NECTIN2: variants seen among roughly 807,000 people sequenced by gnomAD.
NECTIN2 encodes the protein nectin cell adhesion molecule 2.
In NECTIN2, 23 loss-of-function variants were observed where a neutral mutation model predicts 56.9. The ratio of observed to expected loss-of-function variants is 0.40; its 90% CI spans 0.29 to 0.57. NECTIN2 has a LOEUF of 0.57. Among genes scored for constraint, NECTIN2 ranks in the 20% least tolerant of loss-of-function variants. The pLI is 0.38. For synonymous variants in NECTIN2, 302 were observed against 313.8 expected (o/e 0.96, Z 0.40); for missense variants, 587 against 718.3 (o/e 0.82, Z 2.09).
At chr19:44,878,679 C>T in intron 5 of NECTIN2, 2 of 1,536,682 alleles carry the variant, frequency 1.3e-6, no homozygotes, top group Non-Finnish European at 1.8e-6. Flanking sequence ...CCTGACCACG[C>T]CGGCCTAGGG....
intron 1 of NECTIN2, among the ~76,000 whole-genome samples, chr19:44,862,244 C>G (rs982639326): frequency 6.6e-6 from 1 of 151,908 alleles, no homozygotes; most frequent in African/African-American, 2.4e-5. Flanking sequence ...GAAACCCCGT[C>G]TCTACTAAAA....
In NECTIN2 at chr19:44,888,919, A is replaced by T. The variant is rs1008532135; in HGVS notation, c.*540A>T. 2 of 155,458 alleles carry T rather than the reference A, an allele frequency of 1.3e-5. No homozygotes were observed. Among genetic ancestry groups the T allele is most frequent in the Non-Finnish European group, 2.9e-5 (2 of 69,846 alleles). The allele number at this position is 155,458 out of a possible 1,614,324, so 9.6% of individuals were successfully genotyped here. Reference sequence around the variant, plus strand: ...GTTTTCCCAGCACCCTCCTGTAAGCAGAAGTCTCAGGGTCCAGACCCTTCC... The same window carrying T: ...GTTTTCCCAGCACCCTCCTGTAAGCTGAAGTCTCAGGGTCCAGACCCTTCC... On this transcript the variant is annotated 3_prime_UTR_variant, in exon 9 of 9. Coordinates refer to ENST00000252483, the MANE Select transcript of NECTIN2 (RefSeq NM_001042724.2).
At chr19:44,871,701 A>G (rs1162728254) in intron 2 of NECTIN2, 152 bp from the exon 3 acceptor site, 1 of 839,736 alleles carries the variant, frequency 1.2e-6, no homozygotes. Flanking sequence ...ACAGAGTTGC[A>G]AAACCACTTA....
chr19:44,863,382 T>A (rs933476206), intron 1 of NECTIN2, among the ~76,000 whole-genome samples: 1 of 151,924 alleles, frequency 6.6e-6, no homozygotes, highest in African/African-American at 2.4e-5. Context: ...GAGCCAAGAT[T>A]GTGCCACTGC....
intron 5 of NECTIN2, among the ~76,000 whole-genome samples, chr19:44,880,347 C>T (rs1474024285): frequency 2.6e-5 from 4 of 152,002 alleles, no homozygotes; most frequent in Non-Finnish European, 4.4e-5. Context: ...GGCAAGTAAA[C>T]GGGTAACCAC....
intron 1 of NECTIN2, 30 bp downstream of exon 1, chr19:44,846,643 G>T: frequency 6.6e-7 from 1 of 1,513,898 alleles, no homozygotes; most frequent in African/African-American, 1.4e-5. Context: ...CCCTGCCCTC[G>T]CGCGGACCCC....
chr19:44,878,183 C>CCTTTCT (rs1331704319), intron 5 of NECTIN2: 2 of 632,470 alleles, frequency 3.2e-6, no homozygotes, highest in East Asian at 5.5e-5. Flanking sequence ...CTTGTGTCTC[C>CCTTTCT]CTTTCTCTCT....
chr19:44,867,876 G>A (rs557952463), intron 2 of NECTIN2, among the ~76,000 whole-genome samples: 5 of 152,224 alleles, frequency 3.3e-5, no homozygotes, highest in South Asian at 4.1e-4. Context: ...AAAAATGACC[G>A]GCAGCAGTAT....
chr19:44,882,386 G>T (rs774433512), intron 6 of NECTIN2, 22 bp downstream of exon 6: 1 of 1,375,248 alleles, frequency 7.3e-7, no homozygotes, highest in South Asian at 1.7e-5. Flanking sequence ...GCCCTGAGAC[G>T]GGGATGGGAG....
chr19:44,864,018 C>CA (rs919688681), intron 1 of NECTIN2, among the ~76,000 whole-genome samples: 4 of 151,418 alleles, frequency 2.6e-5, no homozygotes, highest in Non-Finnish European at 2.9e-5. Context: ...GGATTCCCCC[C>CA]CCCCAAAAAA....
rs1412057665 is a variant in NECTIN2, at chr19:44,878,800, CTA to C, written c.1043-3410_1043-3409del. 7.9e-6 allele frequency: 11 copies of C among 1,394,652 alleles called. No individual in the cohort carries two copies. In the East Asian group the frequency reaches 1.9e-4, roughly 24 times the overall value. The allele number at this position is 1,394,652 out of a possible 1,614,324, so 86.4% of individuals were successfully genotyped here. A position where few individuals can be genotyped will look rare whatever the true frequency, so the allele number is the denominator to read the frequency against. Reference sequence around the variant, plus strand: ...ACAGCACACTGGACTTCTCCCGTCTCTAGGGCTGCATGGGGAGCCCGGGGAGC... The same window carrying C: ...ACAGCACACTGGACTTCTCCCGTCTCGGGCTGCATGGGGAGCCCGGGGAGC... On this transcript the variant is annotated intron_variant, in intron 5 of 8. Transcript: ENST00000252483.
rs769262334 is a variant in NECTIN2 at position 44,873,905 on chromosome 19, A to G, written c.776-11A>G. The G allele has an allele frequency of 2.5e-6, 4 of 1,598,282 alleles. No homozygotes were observed. In the Admixed American group the frequency reaches 5.0e-5, roughly 20 times the overall value. On this transcript the variant is annotated splice_polypyrimidine_tract_variant and intron_variant, in intron 3 of 8. Transcript: ENST00000252483. ...TCCTCCTTGCTGATCCAGTCCCCCC[A>G]TTTCCCCCAGACCCTCCTGAAGTGT...
chr19:44,864,021 C>CG (rs1555786377), intron 1 of NECTIN2, among the ~76,000 whole-genome samples: 18 of 151,352 alleles, frequency 1.2e-4, no homozygotes, highest in East Asian at 2.0e-4. Flanking sequence ...TTCCCCCCCC[C>CG]CAAAAAAAAA....
At chr19:44,881,183 C>T (rs970793640) in intron 5 of NECTIN2, among the ~76,000 whole-genome samples, 1 of 152,080 alleles carries the variant, frequency 6.6e-6, no homozygotes, top group Admixed American at 6.5e-5. Context: ...GCTGGGATTA[C>T]AGGCGTCAGT....
At chr19:44,878,920 A>C in intron 5 of NECTIN2, 1 of 1,196,656 alleles carries the variant, frequency 8.4e-7, no homozygotes, top group Non-Finnish European at 1.0e-6. Flanking sequence ...GGAGTTAATA[A>C]ATGCCTTGGA....
chr19:44,878,539 G>T (rs770458875), intron 5 of NECTIN2: 1 of 1,613,898 alleles, frequency 6.2e-7, no homozygotes, highest in Non-Finnish European at 8.5e-7. Context: ...GCCTCATGTT[G>T]CCTCCACCCC....
rs1968831782 is a variant in NECTIN2, at chr19:44,846,318, C to T, written c.-208C>T. On this transcript the variant is annotated 5_prime_UTR_variant, in exon 1 of 9. Coordinates refer to ENST00000252483, the MANE Select transcript of NECTIN2 (RefSeq NM_001042724.2). ...TCCTGTGACGTCAGCGGGTTCGAAC[C>T]GCCGGAGCTGAGCGAGAGGCCGGGG... 1 of 531,156 alleles carries T rather than the reference C, an allele frequency of 1.9e-6. No homozygotes were observed. 32.9% of individuals were successfully genotyped at this position (531,156 alleles called of 1,614,324 possible). A position where few individuals can be genotyped will look rare whatever the true frequency, so the allele number is the denominator to read the frequency against.
chr19:44,871,019 T>G (rs537372206), intron 2 of NECTIN2, among the ~76,000 whole-genome samples: 1 of 152,278 alleles, frequency 6.6e-6, no homozygotes, highest in East Asian at 1.9e-4. Context: ...CATGAGCCAC[T>G]GCGCCCATCC....
intron 1 of NECTIN2, among the ~76,000 whole-genome samples, chr19:44,860,287 G>A (rs1261408441): frequency 6.6e-6 from 1 of 152,192 alleles, no homozygotes; most frequent in African/African-American, 2.4e-5. Context: ...CACTTTGGGA[G>A]GCCGAGGCAG....
Sources: gnomAD v4.1 joint callset for allele counts (sites outside exome capture counted in the v4.1 genomes callset) on GRCh38, gnomAD v4.1.1 for gene constraint, MANE v1.5 for transcripts, NCBI Gene and HGNC (gene_info 2026-07-23, HGNC 2026-07-21) for gene names.